Variants in AADAT observed in about 807,000 individuals in gnomAD.
AADAT encodes aminoadipate aminotransferase.
Under a neutral mutation model 56.2 loss-of-function variants are expected in AADAT, and 25 were observed. The ratio of observed to expected loss-of-function variants is 0.44; its 90% CI spans 0.32 to 0.62. The LOEUF (loss-of-function observed/expected upper bound fraction) is 0.62, where lower values mean the gene tolerates loss of function less well. Ranked by LOEUF, AADAT falls within the 20% of genes least tolerant of loss-of-function variation. The probability of loss-of-function intolerance (pLI) is 0.04; values close to 1 mark genes in which losing one functional copy is unlikely to be tolerated. For synonymous variants in AADAT, 173 were observed against 164.7 expected (o/e 1.05, Z -0.39); for missense variants, 387 against 510.5 (o/e 0.76, Z 2.33).
intron 12 of AADAT, 32 bp downstream of exon 12, chr4:170,061,860 T>C (rs1229523201): frequency 4.7e-6 from 7 of 1,499,390 alleles, no homozygotes; most frequent in Non-Finnish European, 6.4e-6. Context: ...AACTGCTAGC[T>C]AGTGTTACTC....
chr4:170,061,523 C>A (rs1204680887), intron 12 of AADAT, among the ~76,000 whole-genome samples: 1 of 152,132 alleles, frequency 6.6e-6, no homozygotes, highest in Non-Finnish European at 1.5e-5. Flanking sequence ...TTCTATTTGA[C>A]CCTTGCTGAT....
rs930770122 is a variant in AADAT at position 170,088,516 on chromosome 4, C to T, written c.116G>A (p.Gly39Asp). The T allele has an allele frequency of 1.2e-6, 2 of 1,613,602 alleles. No homozygotes were observed. The highest frequency in any genetic ancestry group is 1.7e-6 in the Non-Finnish European group (2 of 1,179,544). ...GPKSMISLAG[G>D]LPNPNMFPFK... ...AGGAAACATGTTTGGATTTGGTAAG[C>T]CACCAGCCAAGGAGATCATCGATTT... Residue 39 changes from glycine (G) to aspartate (D), a missense_variant, in exon 2 of 13, where the codon GGC (glycine) becomes GAC (aspartate). Physicochemically the swap from Gly to Asp is moderately conservative, Grantham distance 94. Transcript: ENST00000337664.
intron 4 of AADAT, among the ~76,000 whole-genome samples, chr4:170,076,827 G>T (rs1159682482): frequency 6.6e-6 from 1 of 152,122 alleles, no homozygotes; most frequent in Non-Finnish European, 1.5e-5. Flanking sequence ...TATGTCCTAA[G>T]TGTTTGTAGT....
intron 11 of AADAT, among the ~76,000 whole-genome samples, chr4:170,064,037 T>C (rs1387258449): frequency 6.6e-6 from 1 of 152,048 alleles, no homozygotes. Flanking sequence ...CTTTTCTGTA[T>C]AATTTTAACT....
At chr4:170,091,978 T>A (rs924243361), upstream of AADAT, among the ~76,000 whole-genome samples, 1 of 152,222 alleles carries the variant, frequency 6.6e-6, no homozygotes, top group Non-Finnish European at 1.5e-5. Context: ...ATCTAACTAA[T>A]CTAGTGGGGA....
At chr4:170,068,512 C>T in intron 8 of AADAT, 79 bp downstream of exon 8, 2 of 1,092,010 alleles carry the variant, frequency 1.8e-6, no homozygotes, top group South Asian at 1.5e-5. Context: ...TTTGGAGTTC[C>T]TGTGCTCTAC....
upstream of AADAT, among the ~76,000 whole-genome samples, chr4:170,093,796 C>T (rs1260854017): frequency 6.6e-6 from 1 of 152,156 alleles, no homozygotes; most frequent in Non-Finnish European, 1.5e-5. Context: ...CAGGGTCTCC[C>T]TATGTTGCCC....
rs1356225307 is a variant in AADAT at position 170,064,720 on chromosome 4, C to T, written c.1133G>A (p.Gly378Glu). ...CAGCCCTTCACCTCCCAGTTTTACC[C>T]CCATCTTAACGGCCTTTTCTTCAAT... ...ELIEEKAVKM[G>E]VLMLPGNAFY... The change falls in exon 11 of 13, where the codon GGG becomes GAG. Residue 378 changes from glycine to glutamate, a missense_variant and splice_region_variant. Coordinates refer to ENST00000337664, the MANE Select transcript of AADAT (RefSeq NM_016228.4). The T allele has an allele frequency of 6.2e-7, 1 of 1,601,372 alleles. No homozygotes were observed. Among genetic ancestry groups the T allele is most frequent in the East Asian group, 2.3e-5 (1 of 44,432 alleles).
At chr4:170,061,443 T>C (rs528108103) in intron 12 of AADAT, among the ~76,000 whole-genome samples, 17 of 152,362 alleles carry the variant, frequency 1.1e-4, no homozygotes, top group Admixed American at 3.9e-4. Flanking sequence ...GTTCAATTTA[T>C]AGCTCTTCTG....
At chr4:170,088,831 T>G (rs768032730) in intron 1 of AADAT, among the ~76,000 whole-genome samples, 2 of 152,120 alleles carry the variant, frequency 1.3e-5, no homozygotes, top group Non-Finnish European at 2.9e-5. Context: ...AAAAGAGGGC[T>G]GAGGGAATGC....
At chr4:170,084,718 A>C (rs1732470965) in intron 3 of AADAT, among the ~76,000 whole-genome samples, 1 of 152,180 alleles carries the variant, frequency 6.6e-6, no homozygotes, top group African/African-American at 2.4e-5. Context: ...TGTGATGTTG[A>C]ATTTACCTTT....
chr4:170,089,597 A>G (rs1732735899), intron 1 of AADAT, 27 bp downstream of exon 1: 2 of 1,613,844 alleles, frequency 1.2e-6, no homozygotes. Flanking sequence ...CCCACCCCAA[A>G]GGAGAGATGG....
chr4:170,078,243 T>C (rs912687063), intron 4 of AADAT, among the ~76,000 whole-genome samples: 1 of 152,190 alleles, frequency 6.6e-6, no homozygotes, highest in Admixed American at 6.5e-5. Context: ...GACATGATTT[T>C]GCATAATCTA....
chr4:170,067,239 G>A (rs1731511123), intron 9 of AADAT, 88 bp downstream of exon 9: 2 of 969,608 alleles, frequency 2.1e-6, no homozygotes, highest in African/African-American at 1.7e-5. Flanking sequence ...ACTTAGGAAG[G>A]AAGAATAAAT....
In AADAT at chr4:170,066,478, C is replaced by T; in HGVS notation, c.963G>A (p.Arg321=). 1 of 1,612,678 alleles carries T rather than the reference C, an allele frequency of 6.2e-7. No individual in the cohort carries two copies. The highest frequency in any genetic ancestry group is 8.5e-7 in the Non-Finnish European group (1 of 1,178,978). ...GEEGFMAHVD[R]VIDFYSNQKD... ...TCTGGTTACTATAGAAATCAATAACCCTAGAAAAAGAAAACAATGAAATGG... is the reference window on the plus strand; with the variant it reads ...TCTGGTTACTATAGAAATCAATAACTCTAGAAAAAGAAAACAATGAAATGG... Residue 321 remains arginine, a splice_region_variant and synonymous_variant, in exon 10 of 13, where the codon AGG becomes AGA. Coordinates refer to ENST00000337664, the MANE Select transcript of AADAT (RefSeq NM_016228.4).
chr4:170,067,386 G>C lies in AADAT; in HGVS notation c.903C>G (p.Leu301=). ...STLHPSTFNQ[L]MISQLLHEWG... ...ATTCGTGTAGAAGCTGTGATATCAT[G>C]AGCTAAAAGAGATAAAATCATAAAT... Residue 301 remains leucine (L), a splice_region_variant and synonymous_variant, in exon 9 of 13, where the codon CTC becomes CTG. Coordinates refer to ENST00000337664, the MANE Select transcript of AADAT (RefSeq NM_016228.4). 6.2e-7 allele frequency: 1 copy of C among 1,612,356 alleles called. No individual in the cohort carries two copies. The highest frequency in any genetic ancestry group is 1.1e-5 in the South Asian group (1 of 90,808).
chr4:170,090,108 C>A (rs898116669), upstream of AADAT: 1 of 152,250 alleles, frequency 6.6e-6, no homozygotes, highest in African/African-American at 2.4e-5. Flanking sequence ...AGCCCAGGCG[C>A]GAGGCGCTTG....
chr4:170,066,745 G>A (rs887175758), intron 9 of AADAT, among the ~76,000 whole-genome samples: 4 of 152,108 alleles, frequency 2.6e-5, no homozygotes, highest in African/African-American at 9.7e-5. Flanking sequence ...AGAAGTAGCA[G>A]GATCAATCTT....
intron 6 of AADAT, 73 bp from the exon 7 acceptor site, chr4:170,069,303 G>C (rs1403056993): frequency 2.5e-6 from 3 of 1,190,168 alleles, no homozygotes; most frequent in East Asian, 2.5e-5. Flanking sequence ...TTTGAATAGA[G>C]AGTAGAACAG....
Sources: gnomAD v4.1 joint callset for allele counts (sites outside exome capture counted in the v4.1 genomes callset) on GRCh38, gnomAD v4.1.1 for gene constraint, MANE v1.5 for transcripts, NCBI Gene and HGNC (gene_info 2026-07-23, HGNC 2026-07-21) for gene names.